Variants in MTMR8 observed in about 807,000 individuals in gnomAD.
MTMR8 encodes the protein phosphatidylinositol-3,5-bisphosphate 3-phosphatase MTMR8.
MTMR8 carries 65 observed loss-of-function variants against 39.3 expected under a neutral mutation model. The observed-to-expected ratio is 1.65, with a 90% CI of 1.35 to 2.03. MTMR8 has a LOEUF of 2.03. Among genes scored for constraint, MTMR8 ranks in the 30% most tolerant of loss-of-function variants. The pLI is 0.00. For missense variants in MTMR8, 777 were observed against 538.9 expected, an observed-to-expected ratio of 1.44 and a Z score of -4.37; for synonymous variants, 245 against 185.2, an observed-to-expected ratio of 1.32 and a Z score of -2.62.
At chrX:64,369,776 T>A (rs1020731264) in intron 1 of MTMR8, among the ~76,000 whole-genome samples, 5 of 110,968 alleles carry the variant, frequency 4.5e-5, no homozygotes, top group Non-Finnish European at 9.4e-5. Context: ...TAAAAAAAAA[T>A]TATCCAGTCT....
intron 12 of MTMR8, among the ~76,000 whole-genome samples, chrX:64,288,856 C>T (rs765582115): frequency 2.4e-4 from 26 of 108,748 alleles, no homozygotes; most frequent in South Asian, 8.2e-4. Flanking sequence ...CATCACACAC[C>T]GGGGCCTGTT....
chrX:64,286,903 CAG>C (rs1921200951), intron 12 of MTMR8, among the ~76,000 whole-genome samples: 2 of 111,309 alleles, frequency 1.8e-5, no homozygotes, highest in Non-Finnish European at 3.8e-5. Flanking sequence ...AAACTGGCAA[CAG>C]ACAGGGATGC....
chrX:64,301,974 T>C (rs1335552404), intron 12 of MTMR8, among the ~76,000 whole-genome samples: 1 of 112,215 alleles, frequency 8.9e-6, no homozygotes, highest in Non-Finnish European at 1.9e-5. Context: ...TTCAAAGCTG[T>C]CAGACAGGGA....
intron 1 of MTMR8, among the ~76,000 whole-genome samples, chrX:64,382,556 C>A (rs1356719350): frequency 9.0e-6 from 1 of 111,303 alleles, no homozygotes; most frequent in Non-Finnish European, 1.9e-5. Flanking sequence ...CAAACAGGGA[C>A]AATTTGACTT....
intron 10 of MTMR8, 61 bp downstream of exon 10, chrX:64,336,018 G>C (rs1923063799): frequency 3.4e-6 from 3 of 879,568 alleles, no homozygotes; most frequent in Non-Finnish European, 4.8e-6. Flanking sequence ...CTGAGGTTTT[G>C]ATATACTTCA....
At chrX:64,294,958 G>T (rs1265462580) in intron 12 of MTMR8, among the ~76,000 whole-genome samples, 1 of 111,220 alleles carries the variant, frequency 9.0e-6, no homozygotes, top group East Asian at 2.8e-4. Flanking sequence ...AAATCTTGGG[G>T]TTACCTTTGG....
At chrX:64,356,125 AT>A in intron 3 of MTMR8, 50 bp downstream of exon 3, 1 of 1,143,927 alleles carries the variant, frequency 8.7e-7, no homozygotes, top group South Asian at 1.9e-5. Flanking sequence ...CCATTATGCC[AT>A]TTTGGAAAAA....
In MTMR8 at chrX:64,348,734, C is replaced by T; in HGVS notation, c.658G>A (p.Glu220Lys). The T allele has an allele frequency of 5.8e-6, 7 of 1,210,809 alleles. No homozygotes were observed. The highest frequency in any genetic ancestry group is 7.8e-6 in the Non-Finnish European group (7 of 894,865). Residue 220 changes from glutamate (E) to lysine (K), a missense_variant, in exon 6 of 14, where the codon GAG (glutamate) becomes AAG (lysine). Coordinates refer to ENST00000374852, the MANE Select transcript of MTMR8 (RefSeq NM_017677.4). ...SGFYTRCVDD[E>K]LLLEAISQTN... The stretch of plus-strand genomic sequence containing the variant: ...TGGCTAATGGCCTCCAACAAGAGCT[C>T]ATCATCTACACAGCGAGTGTAAAAT...
At chrX:64,300,019 A>T (rs1921789177) in intron 12 of MTMR8, among the ~76,000 whole-genome samples, 1 of 85,256 alleles carries the variant, frequency 1.2e-5, no homozygotes, top group Non-Finnish European at 2.3e-5. Context: ...CAATTTTGGA[A>T]TAGGTGTGGT....
intron 12 of MTMR8, among the ~76,000 whole-genome samples, chrX:64,301,217 T>A (rs1477567735): frequency 9.1e-6 from 1 of 109,367 alleles, no homozygotes; most frequent in African/African-American, 3.3e-5. Context: ...GGTACACCAA[T>A]CAGACGTAGA....
chrX:64,270,966 T>A lies in MTMR8; in HGVS notation c.1589A>T (p.Asp530Val). Residue 530 changes from aspartate to valine, a missense_variant, in exon 13 of 14, where the codon GAT (aspartate) becomes GTT (valine). Transcript: ENST00000374852. ...IKKQRAMLET[D>V]VHELEKKLKV... The stretch of plus-strand genomic sequence containing the variant: ...CCTCACCTTTTCTAGTTCATGCACA[T>A]CTGTCTCCAGCATTGCTCTCTGTTT... The A allele has an allele frequency of 8.3e-7, 1 of 1,210,129 alleles. No individual in the cohort carries two copies. The highest frequency in any genetic ancestry group is 1.1e-6 in the Non-Finnish European group (1 of 894,804).
intron 1 of MTMR8, among the ~76,000 whole-genome samples, chrX:64,372,246 C>A (rs1325309511): frequency 9.2e-6 from 1 of 108,778 alleles, no homozygotes; most frequent in Non-Finnish European, 1.9e-5. Flanking sequence ...CTTACAATAA[C>A]TATATTATGT....
chrX:64,386,010 CA>C (rs1362580190), intron 1 of MTMR8, among the ~76,000 whole-genome samples: 1 of 110,749 alleles, frequency 9.0e-6, no homozygotes, highest in Non-Finnish European at 1.9e-5. Context: ...TACAGATCCC[CA>C]AACGGACCAG....
At chrX:64,322,006 A>G (rs1333100162) in intron 12 of MTMR8, among the ~76,000 whole-genome samples, 1 of 109,110 alleles carries the variant, frequency 9.2e-6, no homozygotes, top group Non-Finnish European at 1.9e-5. Flanking sequence ...GGGATGAATT[A>G]TGTTTTTAAC....
At chrX:64,344,920 C>G in intron 7 of MTMR8, 125 bp downstream of exon 7, 2 of 673,789 alleles carry the variant, frequency 3.0e-6, no homozygotes, top group Non-Finnish European at 4.4e-6. Context: ...AGTTAAACAC[C>G]TAACCACTTA....
rs1406282063 is a variant in MTMR8, at chrX:64,354,866, A to G, written c.379T>C (p.Trp127Arg). The change falls in exon 4 of 14, where the codon TGG becomes CGG. Residue 127 changes from tryptophan to arginine, a missense_variant. Coordinates refer to ENST00000374852, the MANE Select transcript of MTMR8 (RefSeq NM_017677.4). ...KSSKEMRESG[W>R]KLIDPISDFG... ...TCTGATATTGGGTCAATCAGTTTCC[A>G]TCCACTTTCCCTCATCTCTTTTGAG... is the stretch of plus-strand genomic sequence containing the variant. 1 of 1,204,948 alleles carries G rather than the reference A, an allele frequency of 8.3e-7. No individual in the cohort carries two copies. Among genetic ancestry groups the G allele is most frequent in the Non-Finnish European group, 1.1e-6 (1 of 891,777 alleles).
At chrX:64,301,771 C>T (rs1921886739) in intron 12 of MTMR8, among the ~76,000 whole-genome samples, 1 of 111,663 alleles carries the variant, frequency 9.0e-6, no homozygotes, top group African/African-American at 3.3e-5. Context: ...GATGTCCTTT[C>T]TGTTTGTTAG....
chrX:64,347,672 CCT>C (rs1923378016), intron 6 of MTMR8, among the ~76,000 whole-genome samples: 1 of 112,395 alleles, frequency 8.9e-6, no homozygotes, highest in South Asian at 3.7e-4. Flanking sequence ...AGCAATGAAA[CCT>C]CTTAGTCAGT....
At chrX:64,311,319 A>C (rs1947097046) in intron 12 of MTMR8, among the ~76,000 whole-genome samples, 2 of 111,419 alleles carry the variant, frequency 1.8e-5, no homozygotes. Context: ...GTCTGTTCAC[A>C]TGCTTTGCCC....
Sources: gnomAD v4.1 joint callset for allele counts (sites outside exome capture counted in the v4.1 genomes callset) on GRCh38, gnomAD v4.1.1 for gene constraint, MANE v1.5 for transcripts, NCBI Gene and HGNC (gene_info 2026-07-23, HGNC 2026-07-21) for gene names.